MYH15: variants seen among roughly 807,000 people sequenced by gnomAD.
MYH15 encodes the protein myosin-15.
Under a neutral mutation model 240.5 loss-of-function variants are expected in MYH15, and 227 were observed. That is an observed-to-expected ratio of 0.94 (90% CI 0.85 to 1.05). The LOEUF (loss-of-function observed/expected upper bound fraction) is 1.05. Ranked by LOEUF, MYH15 falls within the 50% of genes least tolerant of loss-of-function variation. The probability of loss-of-function intolerance (pLI) is 0.00; values close to 1 mark genes in which losing one functional copy is unlikely to be tolerated. For synonymous variants in MYH15, 785 were observed against 796.7 expected (o/e 0.99, Z 0.25); for missense variants, 2,217 against 2,247.5 (o/e 0.99, Z 0.27).
intron 35 of MYH15, among the ~76,000 whole-genome samples, chr3:108,394,402 G>A (rs897617613): frequency 6.6e-6 from 1 of 152,090 alleles, no homozygotes; most frequent in African/African-American, 2.4e-5. Flanking sequence ...AGGGAAGAAG[G>A]GTATCTAGAT....
At chr3:108,448,631 G>A (rs2082948316) in intron 21 of MYH15, among the ~76,000 whole-genome samples, 1 of 151,870 alleles carries the variant, frequency 6.6e-6, no homozygotes, top group Non-Finnish European at 1.5e-5. Flanking sequence ...GGTATAGAAG[G>A]AAAGTACTGC....
chr3:108,413,884 C>T (rs1031355699), intron 30 of MYH15, among the ~76,000 whole-genome samples: 8 of 152,108 alleles, frequency 5.3e-5, no homozygotes, highest in Admixed American at 6.5e-5. Context: ...ATTATTATGG[C>T]GTTACAAATG....
chr3:108,473,302 C>T (rs900030015), intron 12 of MYH15, among the ~76,000 whole-genome samples: 1 of 152,198 alleles, frequency 6.6e-6, no homozygotes, highest in African/African-American at 2.4e-5. Flanking sequence ...AGCCACCGTG[C>T]CCAGCCAAAA....
At chr3:108,388,812 C>T (rs964422237) in intron 38 of MYH15, among the ~76,000 whole-genome samples, 158 bp downstream of exon 38, 1 of 152,166 alleles carries the variant, frequency 6.6e-6, no homozygotes, top group East Asian at 1.9e-4. Context: ...ACTAATAGCA[C>T]AGGAGCTCTG....
At chr3:108,510,723 G>T (rs553047142), upstream of MYH15, 4 of 820,262 alleles carry the variant, frequency 4.9e-6, no homozygotes, top group Non-Finnish European at 7.4e-6. Flanking sequence ...CTTTCTCTTC[G>T]CTATGTCTCA....
intron 1 of MYH15, among the ~76,000 whole-genome samples, chr3:108,508,800 C>T (rs1008594054): frequency 3.3e-5 from 5 of 152,234 alleles, no homozygotes; most frequent in Non-Finnish European, 7.4e-5. Flanking sequence ...TTACATTTGG[C>T]TTTCGAATGG....
chr3:108,383,752 AAAG>A, intron 39 of MYH15, 23 bp from the exon 40 acceptor site: 3 of 1,533,486 alleles, frequency 2.0e-6, no homozygotes, highest in South Asian at 1.3e-5. Context: ...AAAAAAAAAA[AAAG>A]AAATCTCCAT....
chr3:108,400,943 A>T (rs1381252719), intron 33 of MYH15, among the ~76,000 whole-genome samples: 1 of 152,106 alleles, frequency 6.6e-6, no homozygotes, highest in African/African-American at 2.4e-5. Context: ...CTCAGAAGCA[A>T]TTATGGAAAT....
At chr3:108,426,828 T>C (rs987150076) in intron 27 of MYH15, among the ~76,000 whole-genome samples, 14 of 152,170 alleles carry the variant, frequency 9.2e-5, no homozygotes, top group African/African-American at 3.4e-4. Flanking sequence ...GGGGCAGTGC[T>C]ACATGGGGCC....
At chr3:108,452,842 G>A (rs1005027432) in intron 21 of MYH15, among the ~76,000 whole-genome samples, 2 of 152,076 alleles carry the variant, frequency 1.3e-5, no homozygotes, top group African/African-American at 4.8e-5. Flanking sequence ...AGTTGGCTGG[G>A]TGCCATGGCC....
At position 108,381,398 on chromosome 3, in the gene MYH15, A is replaced by G. The variant is rs960043432; in HGVS notation, c.*147T>C. 5 of 920,692 alleles carry G rather than the reference A, an allele frequency of 5.4e-6. No individual in the cohort carries two copies. Among genetic ancestry groups the G allele is most frequent in the Non-Finnish European group, 8.7e-6 (5 of 575,094 alleles). The allele number at this position is 920,692 out of a possible 1,614,324, so 57.0% of individuals were successfully genotyped here. A position where few individuals can be genotyped will look rare whatever the true frequency, so the allele number is the denominator to read the frequency against. ...TGTGGAAGCAATGATATTCCCTTTA[A>G]TTATTTTTCTAATTGCCTTGTTTAT... On this transcript the variant is annotated 3_prime_UTR_variant, in exon 41 of 41. Transcript: ENST00000693548.
Position 108,389,000 on chromosome 3 carries a change from A to C in MYH15, c.5505T>G (p.Leu1835=). Residue 1835 remains leucine, a synonymous_variant, in exon 38 of 41, where the codon CTT becomes CTG. Transcript: ENST00000693548. ...SAEAQRGARR[L]ERCIKELTYQ... is the part of the protein sequence containing the mutation. ...AGGTCAGCTCTTTGATGCATCGCTC[A>C]AGTCTGCGGGCTCCCCTCTGGGCCT... The C allele has an allele frequency of 6.2e-7, 1 of 1,613,806 alleles. No individual in the cohort carries two copies. Among genetic ancestry groups the C allele is most frequent in the Non-Finnish European group, 8.5e-7 (1 of 1,179,812 alleles).
intron 38 of MYH15, among the ~76,000 whole-genome samples, chr3:108,386,750 G>A (rs551599876): frequency 1.3e-5 from 2 of 152,004 alleles, no homozygotes; most frequent in African/African-American, 4.8e-5. Flanking sequence ...TTGGTTCCTA[G>A]AGAACCCTCT....
At chr3:108,542,143 A>G in the MYH15 span, among the ~76,000 whole-genome samples, 1 of 152,120 alleles carries the variant, frequency 6.6e-6, no homozygotes, top group South Asian at 2.1e-4. Context: ...TAGTTCTCAC[A>G]CTATCTTCAC....
At chr3:108,497,992 C>T (rs955983078) in intron 6 of MYH15, 60 bp downstream of exon 6, 5 of 1,465,946 alleles carry the variant, frequency 3.4e-6, no homozygotes, top group Admixed American at 3.4e-5. Context: ...CGGACACAAC[C>T]TCCATGATCC....
At chr3:108,459,272 G>T (rs111474231) in intron 18 of MYH15, 90 bp downstream of exon 18, 4 of 804,984 alleles carry the variant, frequency 5.0e-6, no homozygotes, top group South Asian at 1.9e-5. Context: ...TATATAAAAG[G>T]CACCAATAAA....
At chr3:108,462,566 T>G (rs918640419) in intron 16 of MYH15, among the ~76,000 whole-genome samples, 1 of 152,072 alleles carries the variant, frequency 6.6e-6, no homozygotes, top group Admixed American at 6.5e-5. Context: ...ATGAGTAAGA[T>G]AATGTATCTA....
chr3:108,419,655 G>A (rs994426212), intron 28 of MYH15, among the ~76,000 whole-genome samples: 2 of 152,206 alleles, frequency 1.3e-5, no homozygotes, highest in African/African-American at 2.4e-5. Flanking sequence ...GGCAGTATAA[G>A]AAGAGTCCTA....
At chr3:108,429,848 C>A (rs1398977108) in intron 26 of MYH15, among the ~76,000 whole-genome samples, 1 of 152,102 alleles carries the variant, frequency 6.6e-6, no homozygotes, top group Non-Finnish European at 1.5e-5. Context: ...ATTCAAGTAA[C>A]CATGATCCTC....
Sources: allele counts gnomAD v4.1 joint callset (sites outside exome capture counted in the v4.1 genomes callset), GRCh38; gene constraint gnomAD v4.1.1; transcripts MANE v1.5; gene names NCBI Gene and HGNC (gene_info 2026-07-23, HGNC 2026-07-21).